Variants in USP42 observed in about 807,000 individuals in gnomAD.
The protein encoded by USP42 is ubiquitin carboxyl-terminal hydrolase 42.
A neutral mutation model predicts 113.0 loss-of-function variants in USP42; 23 were observed. That is an observed-to-expected ratio of 0.20 (90% CI 0.15 to 0.29). USP42 has a LOEUF of 0.29. Ranked by LOEUF, USP42 falls within the 10% of genes least tolerant of loss-of-function variation. USP42 has a pLI of 1.00. For synonymous variants in USP42, 933 were observed against 699.0 expected, an observed-to-expected ratio of 1.33 and a Z score of -5.28; for missense variants, 2,174 against 1,779.8, an observed-to-expected ratio of 1.22 and a Z score of -3.99.
chr7:6,102,022 G>A (rs755550405), upstream of USP42, among the ~76,000 whole-genome samples: 6 of 150,370 alleles, frequency 4.0e-5, 1 homozygote, highest in African/African-American at 1.0e-4. Context: ...GCAGTGAGCC[G>A]AGACTGTTCT....
the USP42 span, among the ~76,000 whole-genome samples, chr7:6,087,700 T>G: frequency 1.3e-5 from 2 of 151,116 alleles, no homozygotes; most frequent in African/African-American, 4.9e-5. Context: ...AGTGTGAATC[T>G]TCTCCAACAA....
rs752593817 is a variant in USP42 at position 6,153,823 on chromosome 7, G to A, written c.2269G>A (p.Ala757Thr). 27 of 1,534,438 alleles carry A rather than the reference G, an allele frequency of 1.8e-5. No individual in the cohort carries two copies. Among genetic ancestry groups the A allele is most frequent in the African/African-American group, 2.8e-5 (2 of 71,860 alleles). Residue 757 changes from alanine (A) to threonine (T), a missense_variant, in exon 15 of 18, where the codon GCC becomes ACC. Ala to Thr is a moderately conservative substitution (Grantham distance 58, BLOSUM62 0). Transcript: ENST00000306177. ...CGAGCCTCAGCCTGGCAGCCCCGCC[G>A]CCGAATCCCTGGAGGAGCCAGATGC... ...DAEPQPGSPA[A>T]ESLEEPDAAA... is the part of the protein sequence containing the mutation.
chr7:6,126,452 T>C (rs890595102), intron 3 of USP42, among the ~76,000 whole-genome samples: 14 of 151,902 alleles, frequency 9.2e-5, no homozygotes, highest in African/African-American at 3.4e-4. Flanking sequence ...GCCTGGCTAA[T>C]TTTTTTTGTA....
At chr7:6,088,624 C>G in the USP42 span, among the ~76,000 whole-genome samples, 1 of 151,298 alleles carries the variant, frequency 6.6e-6, no homozygotes, top group Non-Finnish European at 1.5e-5. Flanking sequence ...CCTGCCAACC[C>G]CGATTGACGT....
intron 3 of USP42, among the ~76,000 whole-genome samples, chr7:6,119,860 C>T (rs1458868002): frequency 1.3e-5 from 2 of 152,146 alleles, no homozygotes; most frequent in Non-Finnish European, 2.9e-5. Context: ...TGTGCTACAA[C>T]ACCTAGCTAA....
rs1782327093 is a variant in USP42 at position 6,154,770 on chromosome 7, G to A, written c.3216G>A (p.Arg1072=). 2 of 1,554,896 alleles carry A rather than the reference G, an allele frequency of 1.3e-6. No individual in the cohort carries two copies. Among genetic ancestry groups the A allele is most frequent in the Non-Finnish European group, 1.7e-6 (2 of 1,150,602 alleles). The change falls in exon 15 of 18, where the codon CGG becomes CGA. Residue 1072 remains arginine, a synonymous_variant. Transcript: ENST00000306177. ...YHDRYALYAA[R]DWKPFHGGRE... is the part of the protein sequence containing the mutation. ...ACAGGTACGCCCTGTACGCTGCCCG[G>A]GACTGGAAGCCCTTCCACGGCGGCC...
intron 6 of USP42, 52 bp downstream of exon 6, chr7:6,140,247 A>G: frequency 6.6e-7 from 1 of 1,522,520 alleles, no homozygotes; most frequent in Non-Finnish European, 9.1e-7. Flanking sequence ...TGGTTAAAAA[A>G]TGGTAATAGT....
At position 6,157,238 on chromosome 7, in the gene USP42, A is replaced by T; in HGVS notation, c.3943+183A>T. 1 of 1,386,046 alleles carries T rather than the reference A, an allele frequency of 7.2e-7. No individual in the cohort carries two copies. Among genetic ancestry groups the T allele is most frequent in the Non-Finnish European group, 9.3e-7 (1 of 1,075,082 alleles). The allele number at this position is 1,386,046 out of a possible 1,614,324, so 85.9% of individuals were successfully genotyped here. ...TCCCTGCAGTGTGGTTCCGTTGCAC[A>T]GTTAAGCCCTTAGCGTTTATTGAAG... On this transcript the variant is annotated intron_variant, in intron 16 of 17. Coordinates refer to ENST00000306177, the MANE Select transcript of USP42 (RefSeq NM_032172.3). The surrounding 1 kb of genome is among the most constrained non-coding windows in gnomAD (Gnocchi z 4.1).
At chr7:6,151,296 T>C (rs1222191639) in intron 14 of USP42, among the ~76,000 whole-genome samples, 1 of 152,214 alleles carries the variant, frequency 6.6e-6, no homozygotes, top group Non-Finnish European at 1.5e-5. Flanking sequence ...GTTAAAAAAA[T>C]TGATTTCTTC....
At chr7:6,138,583 A>G (rs560584836) in intron 4 of USP42, among the ~76,000 whole-genome samples, 1 of 152,286 alleles carries the variant, frequency 6.6e-6, no homozygotes, top group South Asian at 2.1e-4. Context: ...TAATGGTGTA[A>G]AGCAGGGGTC....
chr7:6,140,690 G>T (rs955769788), intron 6 of USP42, among the ~76,000 whole-genome samples: 1 of 152,100 alleles, frequency 6.6e-6, no homozygotes, highest in Non-Finnish European at 1.5e-5. Context: ...TTCTAAGAGG[G>T]TATACCAGTT....
At chr7:6,084,112 C>A in the USP42 span, among the ~76,000 whole-genome samples, 40 of 151,194 alleles carry the variant, frequency 2.6e-4, no homozygotes, top group African/African-American at 9.4e-4. Flanking sequence ...CTGCAACCTC[C>A]GCCTCTCGGG....
At chr7:6,132,743 C>G (rs1780919522) in intron 3 of USP42, among the ~76,000 whole-genome samples, 2 of 151,852 alleles carry the variant, frequency 1.3e-5, no homozygotes, top group Non-Finnish European at 2.9e-5. Flanking sequence ...GAGATCTCGG[C>G]TCACTGCAAC....
chr7:6,082,615 T>G, the USP42 span, among the ~76,000 whole-genome samples: 43 of 84,818 alleles, frequency 5.1e-4, 7 homozygotes, highest in African/African-American at 1.4e-3. Context: ...TTTTTTTTTT[T>G]TTTTTTTTTT....
chr7:6,112,340 T>C (rs1779640932), intron 2 of USP42, among the ~76,000 whole-genome samples: 3 of 152,060 alleles, frequency 2.0e-5, no homozygotes, highest in African/African-American at 7.2e-5. Context: ...TCCCAGCTAC[T>C]TGGGAGGCTG....
chr7:6,116,816 A>T (rs767446529), intron 3 of USP42: 3 of 533,166 alleles, frequency 5.6e-6, no homozygotes, highest in Non-Finnish European at 7.7e-6. Context: ...TTCCCCACAG[A>T]CAGCTTTCCT....
intron 4 of USP42, among the ~76,000 whole-genome samples, chr7:6,136,791 C>T (rs773704397): frequency 6.6e-6 from 1 of 151,410 alleles, no homozygotes; most frequent in African/African-American, 2.4e-5. Context: ...AAGGTTAATT[C>T]TCTTTTTTCG....
chr7:6,156,973 C>T lies in USP42; in HGVS notation c.3861C>T (p.Gly1287=), dbSNP rs778072339. 6 of 1,613,642 alleles carry T rather than the reference C, an allele frequency of 3.7e-6. No individual in the cohort carries two copies. The highest frequency in any genetic ancestry group is 1.1e-5 in the South Asian group (1 of 91,046). The change falls in exon 16 of 18, where the codon GGC becomes GGT. Residue 1287 remains glycine (G), a synonymous_variant. Transcript: ENST00000306177. ...FPLSGGPPLE[G]VGPFREKTKH... is the part of the protein sequence containing the mutation. ...TCTCTGGTGGCCCGCCTCTGGAAGG[C>T]GTCGGACCTTTCCGTGAGAAAACGA...
chr7:6,150,922 C>T (rs958524042), intron 14 of USP42, among the ~76,000 whole-genome samples: 1 of 152,194 alleles, frequency 6.6e-6, no homozygotes, highest in African/African-American at 2.4e-5. Context: ...GGGATGCCTT[C>T]TGAGAAATGC....
Sources: allele counts gnomAD v4.1 joint callset (sites outside exome capture counted in the v4.1 genomes callset), GRCh38; gene constraint gnomAD v4.1.1; non-coding constraint Gnocchi (gnomAD v3.1); transcripts MANE v1.5; gene names NCBI Gene and HGNC (gene_info 2026-07-23, HGNC 2026-07-21).